EXOC4: variants seen among roughly 807,000 people sequenced by gnomAD.
The protein encoded by EXOC4 is exocyst complex component 4.
EXOC4 carries 71 observed loss-of-function variants against 107.2 expected under a neutral mutation model. The ratio of observed to expected loss-of-function variants is 0.66; its 90% CI spans 0.55 to 0.81. EXOC4 has a LOEUF of 0.81. Ranked by LOEUF, EXOC4 falls within the 30% of genes least tolerant of loss-of-function variation. EXOC4 has a pLI of 0.00. For synonymous variants in EXOC4, 456 were observed against 441.2 expected (o/e 1.03, Z -0.42); for missense variants, 1,108 against 1,189.6 (o/e 0.93, Z 1.01).
intron 17 of EXOC4, among the ~76,000 whole-genome samples, chr7:134,030,472 G>A (rs1795243430): frequency 6.6e-6 from 1 of 152,182 alleles, no homozygotes; most frequent in African/African-American, 2.4e-5. Flanking sequence ...GCGACAGATG[G>A]AAGAAGTTCA....
At chr7:134,043,394 A>G (rs1202595116) in intron 17 of EXOC4, among the ~76,000 whole-genome samples, 2 of 152,236 alleles carry the variant, frequency 1.3e-5, no homozygotes, top group Non-Finnish European at 2.9e-5. Flanking sequence ...TTCCTGCTCA[A>G]ATGGTTTGTA....
intron 12 of EXOC4, among the ~76,000 whole-genome samples, chr7:133,909,477 C>T (rs569517156): frequency 6.6e-6 from 1 of 152,270 alleles, no homozygotes; most frequent in Admixed American, 6.5e-5. Context: ...TGGGAAAGAG[C>T]ACTCCAGGTG....
At chr7:133,429,569 C>A in intron 7 of EXOC4, among the ~76,000 whole-genome samples, 1 of 152,176 alleles carries the variant, frequency 6.6e-6, no homozygotes, top group East Asian at 1.9e-4. Context: ...AGGAAGAAAA[C>A]TGGCCTTTAG....
chr7:134,089,161 G>A, the EXOC4 span, among the ~76,000 whole-genome samples: 1 of 152,006 alleles, frequency 6.6e-6, no homozygotes, highest in Non-Finnish European at 1.5e-5. Context: ...TTTAACTTCA[G>A]CCAATATGTT....
chr7:133,498,766 G>T (rs1445141450), intron 9 of EXOC4, among the ~76,000 whole-genome samples: 1 of 152,126 alleles, frequency 6.6e-6, no homozygotes, highest in African/African-American at 2.4e-5. Context: ...TAAACCCCAT[G>T]TCCTCAATAT....
At chr7:133,857,197 TA>T (rs1798410849) in intron 11 of EXOC4, among the ~76,000 whole-genome samples, 3 of 43,088 alleles carry the variant, frequency 7.0e-5, no homozygotes, top group Non-Finnish European at 1.2e-4. Flanking sequence ...TATATATATA[TA>T]TATTTTACCT....
rs137961262 is a variant in EXOC4, at chr7:133,997,520, G to A, written c.2235G>A (p.Thr745=). ...TTTCTCCTGCTCAAGACAGCCACAC[G>A]AACACGGATCTCCCCCCAGTGTCAG... ...QMLSPAQDSH[T]NTDLPPVSEQ... is the part of the protein sequence containing the mutation. The change falls in exon 15 of 18, where the codon ACG becomes ACA. Residue 745 remains threonine, a synonymous_variant. Transcript: ENST00000253861. The A allele has an allele frequency of 1.6e-4, 251 of 1,613,636 alleles. No individual in the cohort carries two copies. In the African/African-American group the frequency reaches 1.6e-3, roughly 10 times the overall value.
chr7:133,277,506 C>T lies in EXOC4; in HGVS notation c.276+2335C>T, dbSNP rs762888308. 1.3e-4 allele frequency among the ~76,000 whole-genome samples: 20 copies of T among 152,308 alleles called. No homozygotes were observed. In the South Asian group the frequency reaches 1.9e-3, roughly 14 times the overall value. On this transcript the variant is annotated intron_variant, in intron 2 of 17. Transcript: ENST00000253861. ...ATCTTAGCCGCTAACAAAGAATGTT[C>T]GCCTGATATTGAAAAAGAGCCTTGT...
chr7:133,785,382 A>C (rs1353287078), intron 10 of EXOC4, among the ~76,000 whole-genome samples: 1 of 37,540 alleles, frequency 2.7e-5, no homozygotes, highest in Non-Finnish European at 5.7e-5. Context: ...AAATGTTTTT[A>C]ATTGATTTTT....
At chr7:133,616,084 C>T (rs1802187601) in intron 9 of EXOC4, among the ~76,000 whole-genome samples, 2 of 152,080 alleles carry the variant, frequency 1.3e-5, no homozygotes, top group Admixed American at 6.6e-5. Context: ...TAATATTGGC[C>T]TATTTTGTAG....
chr7:134,007,605 T>A (rs1794671347), intron 16 of EXOC4, 71 bp from the exon 17 acceptor site: 1 of 1,423,696 alleles, frequency 7.0e-7, no homozygotes, highest in Non-Finnish European at 9.4e-7. Context: ...CAATTCTGTG[T>A]GCAAGTTTCT....
chr7:133,925,712 G>A (rs1800034769), intron 13 of EXOC4, among the ~76,000 whole-genome samples: 1 of 152,084 alleles, frequency 6.6e-6, no homozygotes, highest in Non-Finnish European at 1.5e-5. Context: ...GGTGATAAAG[G>A]TCAAGCAATA....
chr7:133,865,201 T>C (rs543991583), intron 11 of EXOC4, among the ~76,000 whole-genome samples: 217 of 152,318 alleles, frequency 1.4e-3, no homozygotes, highest in Admixed American at 2.4e-3. Flanking sequence ...TTTATTTTAC[T>C]GATTTTCATT....
At chr7:133,318,252 A>C (rs1359570859) in intron 5 of EXOC4, among the ~76,000 whole-genome samples, 1 of 152,208 alleles carries the variant, frequency 6.6e-6, no homozygotes, top group Non-Finnish European at 1.5e-5. Flanking sequence ...CTATTGAATA[A>C]GACAAAGCCA....
At chr7:134,035,611 G>A (rs1382790464) in intron 17 of EXOC4, among the ~76,000 whole-genome samples, 26 of 152,118 alleles carry the variant, frequency 1.7e-4, no homozygotes. Context: ...TGACTTAAGT[G>A]ACTTTAAACT....
At chr7:133,454,958 G>A (rs1798430342) in intron 7 of EXOC4, among the ~76,000 whole-genome samples, 1 of 152,036 alleles carries the variant, frequency 6.6e-6, no homozygotes, top group Non-Finnish European at 1.5e-5. Flanking sequence ...AATTAGCCAT[G>A]TATCGTGGTC....
intron 9 of EXOC4, among the ~76,000 whole-genome samples, chr7:133,481,662 A>G (rs1248324926): frequency 6.6e-6 from 1 of 152,248 alleles, no homozygotes; most frequent in African/African-American, 2.4e-5. Context: ...CACCAGAAGT[A>G]AAAGCCTAGA....
At chr7:133,738,957 A>G (rs2151126242) in intron 10 of EXOC4, among the ~76,000 whole-genome samples, 1 of 152,318 alleles carries the variant, frequency 6.6e-6, no homozygotes, top group Non-Finnish European at 1.5e-5. Flanking sequence ...GTAGCTGTGA[A>G]GAGAGCGAAA....
At position 133,608,645 on chromosome 7, in the gene EXOC4, G is replaced by T. The variant is rs534841078; in HGVS notation, c.1418-21400G>T. Among the ~76,000 whole-genome samples the T allele has an allele frequency of 9.4e-4, 139 of 147,494 alleles. 1 individual carries two copies. The highest frequency in any genetic ancestry group is 3.5e-3 in the African/African-American group (137 of 39,522). On this transcript the variant is annotated intron_variant, in intron 9 of 17. Coordinates refer to ENST00000253861, the MANE Select transcript of EXOC4 (RefSeq NM_021807.4). ...GCTTACTGCAGCCTCTTACTCCCTG[G>T]TTCAAGCGATTCTCCTGCCCCAGCT...
Sources: allele counts gnomAD v4.1 joint callset (sites outside exome capture counted in the v4.1 genomes callset), GRCh38; gene constraint gnomAD v4.1.1; transcripts MANE v1.5; gene names NCBI Gene and HGNC (gene_info 2026-07-23, HGNC 2026-07-21).